The following RPS6KB1 variants were observed in gnomAD, a reference collection of about 807,000 sequenced individuals.
The protein encoded by RPS6KB1 is ribosomal protein S6 kinase B1.
Under a neutral mutation model 70.2 loss-of-function variants are expected in RPS6KB1, and 12 were observed. The observed-to-expected ratio is 0.17, with a 90% CI of 0.11 to 0.28. RPS6KB1 has a LOEUF of 0.28. RPS6KB1 is among the 10% of genes least tolerant of loss of function. The pLI is 1.00. For missense variants in RPS6KB1, 270 were observed against 646.6 expected, an observed-to-expected ratio of 0.42 and a Z score of 6.32; for synonymous variants, 175 against 211.2, an observed-to-expected ratio of 0.83 and a Z score of 1.49.
At chr17:59,915,114 G>A (rs1189675221) in intron 4 of RPS6KB1, among the ~76,000 whole-genome samples, 1 of 150,908 alleles carries the variant, frequency 6.6e-6, no homozygotes, top group Non-Finnish European at 1.5e-5. Flanking sequence ...TCAGCCTCCC[G>A]AGTAGCTGGG....
In RPS6KB1 at chr17:59,914,724, T is replaced by C. The variant is rs771398499; in HGVS notation, c.381+21T>C. The C allele has an allele frequency of 9.1e-6, 14 of 1,543,132 alleles. No homozygotes were observed. In the South Asian group the frequency reaches 1.2e-4, roughly 14 times the overall value. On this transcript the variant is annotated intron_variant, in intron 4 of 14. Coordinates refer to ENST00000225577, the MANE Select transcript of RPS6KB1 (RefSeq NM_003161.4). Reference sequence around the variant, plus strand: ...AAAAGGTGATTTCCACTCCCCCTTTTTAGTCCTCACACACCATATTTTTAC... The same window carrying C: ...AAAAGGTGATTTCCACTCCCCCTTTCTAGTCCTCACACACCATATTTTTAC...
intron 1 of RPS6KB1, among the ~76,000 whole-genome samples, chr17:59,906,725 C>T (rs997498867): frequency 2.6e-5 from 4 of 152,036 alleles, no homozygotes; most frequent in South Asian, 2.1e-4. Context: ...GATGGAGTCT[C>T]GCTCTGTCAC....
chr17:59,936,146 G>C, intron 10 of RPS6KB1, 69 bp from the exon 11 acceptor site: 1 of 1,404,334 alleles, frequency 7.1e-7, no homozygotes, highest in Non-Finnish European at 9.9e-7. Flanking sequence ...GACAAGCACA[G>C]TCTAAAAAGG....
At chr17:59,911,538 G>GT (rs1184826889) in intron 2 of RPS6KB1, among the ~76,000 whole-genome samples, 9,450 of 74,540 alleles carry the variant, frequency 0.13, 881 homozygotes, top group African/African-American at 0.18. Context: ...TTTTTGTTGG[G>GT]TTTTTTTTTT....
intron 12 of RPS6KB1, among the ~76,000 whole-genome samples, chr17:59,938,309 A>G (rs987916976): frequency 6.6e-6 from 1 of 151,598 alleles, no homozygotes. Flanking sequence ...ACAGGGATGC[A>G]TCACCACATC....
chr17:59,904,846 G>A (rs1361845936), intron 1 of RPS6KB1, among the ~76,000 whole-genome samples: 4 of 151,258 alleles, frequency 2.6e-5, no homozygotes, highest in East Asian at 1.9e-4. Flanking sequence ...ACAGGCACTC[G>A]CCACCATATC....
intron 1 of RPS6KB1, among the ~76,000 whole-genome samples, chr17:59,902,883 A>C (rs1457893988): frequency 6.6e-6 from 1 of 152,058 alleles, no homozygotes; most frequent in Non-Finnish European, 1.5e-5. Context: ...GCCTGGCCTG[A>C]ATAAACCTTT....
intron 4 of RPS6KB1, among the ~76,000 whole-genome samples, chr17:59,922,381 T>C (rs1057277689): frequency 6.6e-6 from 1 of 151,660 alleles, no homozygotes; most frequent in African/African-American, 2.4e-5. Flanking sequence ...TGTGGAATGA[T>C]AGAAACGGTG....
At chr17:59,899,080 T>A (rs1376261462) in intron 1 of RPS6KB1, among the ~76,000 whole-genome samples, 1 of 151,754 alleles carries the variant, frequency 6.6e-6, no homozygotes, top group African/African-American at 2.4e-5. Context: ...GTCAGGCACC[T>A]GTAATCCCAG....
intron 1 of RPS6KB1, among the ~76,000 whole-genome samples, chr17:59,896,631 G>A (rs914594263): frequency 4.4e-4 from 67 of 152,144 alleles, no homozygotes; most frequent in African/African-American, 1.6e-3. Context: ...TTTTGAGAAG[G>A]TGTGAGGAGG....
chr17:59,897,978 A>T (rs923224488), intron 1 of RPS6KB1, among the ~76,000 whole-genome samples: 1 of 152,170 alleles, frequency 6.6e-6, no homozygotes, highest in Admixed American at 6.6e-5. Flanking sequence ...AAAAAAAAAA[A>T]AAGATTCTGT....
chr17:59,912,443 C>A, intron 2 of RPS6KB1: 1 of 376,482 alleles, frequency 2.7e-6, no homozygotes, highest in South Asian at 3.2e-5. Flanking sequence ...ATAAAATAAA[C>A]AATTATAAAA....
At chr17:59,899,317 A>G (rs2041767962) in intron 1 of RPS6KB1, among the ~76,000 whole-genome samples, 1 of 152,166 alleles carries the variant, frequency 6.6e-6, no homozygotes, top group African/African-American at 2.4e-5. Flanking sequence ...AACACTGAGT[A>G]GCAGGAAAGA....
At chr17:59,914,881 C>G (rs569730844) in intron 4 of RPS6KB1, among the ~76,000 whole-genome samples, 178 bp downstream of exon 4, 1 of 152,234 alleles carries the variant, frequency 6.6e-6, no homozygotes, top group South Asian at 2.1e-4. Context: ...GTGGTCCCAG[C>G]TACTTGGGAG....
At chr17:59,933,566 A>G (rs59862765) in intron 7 of RPS6KB1, among the ~76,000 whole-genome samples, 3,464 of 152,296 alleles carry the variant, frequency 0.023, 128 homozygotes, top group African/African-American at 0.078. Flanking sequence ...GCTAAACTTG[A>G]ACTGAAATGA....
rs781440252 is a variant in RPS6KB1, at chr17:59,893,158, T to C, written c.-27T>C. The C allele has an allele frequency of 1.2e-6, 2 of 1,601,158 alleles. No homozygotes were observed. The highest frequency in any genetic ancestry group is 1.1e-5 in the South Asian group (1 of 89,322). ...AGCAGCCGGTGATGGCGGCAGCGGCTGTGGTGGCTGCGGCGGGTCCGGGCC... is the reference window on the plus strand; with the variant it reads ...AGCAGCCGGTGATGGCGGCAGCGGCCGTGGTGGCTGCGGCGGGTCCGGGCC... On this transcript the variant is annotated 5_prime_UTR_variant, in exon 1 of 15. Transcript: ENST00000225577. The surrounding 1 kb of genome is among the most constrained non-coding windows in gnomAD (Gnocchi z 4.1).
At chr17:59,935,138 T>A in intron 9 of RPS6KB1, 55 bp from the exon 10 acceptor site, 1 of 1,067,160 alleles carries the variant, frequency 9.4e-7, no homozygotes, top group African/African-American at 1.6e-5. Context: ...TTGTTTCTTA[T>A]ATGCTAATAT....
intron 4 of RPS6KB1, among the ~76,000 whole-genome samples, chr17:59,919,466 A>G (rs994508335): frequency 6.6e-6 from 1 of 152,204 alleles, no homozygotes; most frequent in African/African-American, 2.4e-5. Context: ...AAATAAATAA[A>G]TAAGTAAATA....
chr17:59,918,906 A>G (rs1293751943), intron 4 of RPS6KB1, among the ~76,000 whole-genome samples: 3 of 140,292 alleles, frequency 2.1e-5, no homozygotes, highest in Non-Finnish European at 4.5e-5. Context: ...GTCTCGGCTC[A>G]CTGCAATTTC....
Sources: gnomAD v4.1 joint callset for allele counts (sites outside exome capture counted in the v4.1 genomes callset) on GRCh38, gnomAD v4.1.1 for gene constraint, Gnocchi (gnomAD v3.1) non-coding constraint, MANE v1.5 for transcripts, NCBI Gene and HGNC (gene_info 2026-07-23, HGNC 2026-07-21) for gene names.